NCKAP5L: variants seen among roughly 807,000 people sequenced by gnomAD.
NCKAP5L encodes NCK associated protein 5 like.
In NCKAP5L, 54 loss-of-function variants were observed where a neutral mutation model predicts 103.2. The ratio of observed to expected loss-of-function variants is 0.52; its 90% confidence interval spans 0.42 to 0.66. The LOEUF (loss-of-function observed/expected upper bound fraction) is 0.66. Among genes scored for constraint, NCKAP5L ranks in the 30% least tolerant of loss-of-function variants. The pLI is 0.00. For missense variants in NCKAP5L, 1,733 were observed against 1,750.6 expected, an observed-to-expected ratio of 0.99 and a Z score of 0.18; for synonymous variants, 762 against 748.6, an observed-to-expected ratio of 1.02 and a Z score of -0.29.
In NCKAP5L at chr12:49,795,894, G is replaced by T; in HGVS notation, c.1966C>A (p.Pro656Thr). The T allele has an allele frequency of 6.5e-7, 1 of 1,542,304 alleles. No homozygotes were observed. The stretch of plus-strand genomic sequence containing the variant: ...CTGTCCCGCAGAGGTGTGCTGCCAG[G>T]ATCCCCAGGTCGCCGTCCTGACCCC... ...SQGSGRRPGD[P>T]GSTPLRDRLA... Residue 656 changes from proline to threonine, a missense_variant, in exon 8 of 13, where the codon CCT (proline) becomes ACT (threonine). By Grantham distance (38) the Pro-to-Thr change is conservative. Coordinates refer to ENST00000335999, the MANE Select transcript of NCKAP5L (RefSeq NM_001037806.4).
At chr12:49,810,095 A>T (rs1357674766) in intron 1 of NCKAP5L, among the ~76,000 whole-genome samples, 2 of 144,550 alleles carry the variant, frequency 1.4e-5, no homozygotes, top group African/African-American at 5.2e-5. Flanking sequence ...CCAGATTTCA[A>T]CATCCCTCAT....
chr12:49,816,526 G>A (rs1289010572), intron 1 of NCKAP5L, among the ~76,000 whole-genome samples: 1 of 134,948 alleles, frequency 7.4e-6, no homozygotes, highest in Non-Finnish European at 1.5e-5. Context: ...AAGGCTGGAC[G>A]CGGTGGCTCA....
intron 1 of NCKAP5L, among the ~76,000 whole-genome samples, chr12:49,821,536 C>A (rs554640656): frequency 6.6e-6 from 1 of 152,352 alleles, no homozygotes; most frequent in South Asian, 2.1e-4. Context: ...CATCTGCAGT[C>A]CTGGCCTGAC....
At position 49,804,011 on chromosome 12, in the gene NCKAP5L, G is replaced by A; in HGVS notation, c.34C>T (p.Pro12Ser). Residue 12 changes from proline (P) to serine (S), a missense_variant, in exon 3 of 13, where the codon CCT becomes TCT. By Grantham distance (74) the Pro-to-Ser change is moderately conservative. Transcript: ENST00000335999. ...CCCTCTCCTGGCCTTGGGTTTCCAG[G>A]ACCCCCAGCTGGCTGGTCCATGGCC... ...SEAMDQPAGG[P>S]GNPRPGEGDD... 1.2e-6 allele frequency: 2 copies of A among 1,612,116 alleles called. No individual in the cohort carries two copies.
chr12:49,826,435 T>G (rs1424609395), intron 1 of NCKAP5L, among the ~76,000 whole-genome samples: 1 of 152,160 alleles, frequency 6.6e-6, no homozygotes, highest in Non-Finnish European at 1.5e-5. Context: ...CAGGGGTGTG[T>G]GGGACAAGGT....
intron 1 of NCKAP5L, among the ~76,000 whole-genome samples, chr12:49,820,906 C>T (rs956206411): frequency 6.6e-6 from 1 of 152,186 alleles, no homozygotes; most frequent in African/African-American, 2.4e-5. Flanking sequence ...GCTGGCACCC[C>T]TCTGGGCCTC....
In NCKAP5L at chr12:49,795,974, T is replaced by C. The variant is rs1482063807; in HGVS notation, c.1886A>G (p.Glu629Gly). The change falls in exon 8 of 13, where the codon GAG becomes GGG. Residue 629 changes from glutamate (E) to glycine (G), a missense_variant. Glu to Gly is a moderately conservative substitution (Grantham distance 98, BLOSUM62 -2). Transcript: ENST00000335999. ...GGTCCTGCGGCCGGGATGGGGAGAC[T>C]CCGAGCCTGCCTTGTCCAAACTCTT... ...QEKSLDKAGS[E>G]SPHPGRRTPG... 1 of 1,536,160 alleles carries C rather than the reference T, an allele frequency of 6.5e-7. No homozygotes were observed. Among genetic ancestry groups the C allele is most frequent in the Non-Finnish European group, 8.7e-7 (1 of 1,147,962 alleles).
At chr12:49,807,401 C>T (rs1396182841) in intron 1 of NCKAP5L, among the ~76,000 whole-genome samples, 6 of 152,126 alleles carry the variant, frequency 3.9e-5, no homozygotes, top group African/African-American at 9.7e-5. Context: ...TTCAGTGGCA[C>T]GTTCATAGCT....
intron 1 of NCKAP5L, among the ~76,000 whole-genome samples, chr12:49,808,055 AG>A (rs1442786743): frequency 3.9e-5 from 6 of 152,372 alleles, no homozygotes; most frequent in South Asian, 4.1e-4. Context: ...GTTAAGAGCA[AG>A]GCCAGGCTGT....
At chr12:49,794,459 G>A (rs980783475) in intron 8 of NCKAP5L, among the ~76,000 whole-genome samples, 3 of 152,166 alleles carry the variant, frequency 2.0e-5, no homozygotes, top group Non-Finnish European at 4.4e-5. Flanking sequence ...CCCATAGTTA[G>A]GCTCTAGCCT....
intron 1 of NCKAP5L, among the ~76,000 whole-genome samples, chr12:49,806,695 C>A (rs1244902506): frequency 6.6e-6 from 1 of 152,238 alleles, no homozygotes; most frequent in Non-Finnish European, 1.5e-5. Flanking sequence ...TCTGCACACA[C>A]CCAAGCTTCA....
intron 1 of NCKAP5L, among the ~76,000 whole-genome samples, chr12:49,824,604 T>C (rs1474540766): frequency 6.6e-6 from 1 of 152,212 alleles, no homozygotes; most frequent in African/African-American, 2.4e-5. Flanking sequence ...CTTTTCCCAC[T>C]GTGTCCCCGG....
At chr12:49,802,923 C>T (rs1946136013) in intron 5 of NCKAP5L, 35 bp downstream of exon 5, 2 of 1,604,118 alleles carry the variant, frequency 1.2e-6, no homozygotes, top group South Asian at 1.1e-5. Flanking sequence ...TCTGCTGTGC[C>T]CAGGGCTTCT....
chr12:49,809,664 A>C (rs1174719338), intron 1 of NCKAP5L, among the ~76,000 whole-genome samples: 1 of 152,130 alleles, frequency 6.6e-6, no homozygotes, highest in Non-Finnish European at 1.5e-5. Context: ...TTCTGTCCCC[A>C]CAGCAAACAC....
At position 49,795,965 on chromosome 12, in the gene NCKAP5L, TG is replaced by T; in HGVS notation, c.1894del (p.His632IlefsTer40). On this transcript the variant is annotated frameshift_variant, in exon 8 of 13. Transcript: ENST00000335999. LOFTEE classifies it high-confidence loss of function. ...SLDKAGSESP[H>X]PGRRTPGNSS... is the part of the protein sequence containing the mutation. ...GTTGCCTGGGGTCCTGCGGCCGGGA[TG>T]GGGAGACTCCGAGCCTGCCTTGTCC... 1 of 1,535,100 alleles carries T rather than the reference TG, an allele frequency of 6.5e-7. No homozygotes were observed. The highest frequency in any genetic ancestry group is 8.7e-7 in the Non-Finnish European group (1 of 1,147,740).
chr12:49,819,996 T>C (rs1393579341), intron 1 of NCKAP5L, among the ~76,000 whole-genome samples: 1 of 152,120 alleles, frequency 6.6e-6, no homozygotes, highest in African/African-American at 2.4e-5. Flanking sequence ...CTAAGGACAT[T>C]TGAAGGTGAT....
Position 49,796,044 on chromosome 12 carries a change from T to TG in NCKAP5L, c.1815dup (p.Ser606GlnfsTer204), listed in dbSNP as rs1160641782. 2 of 1,567,126 alleles carry TG rather than the reference T, an allele frequency of 1.3e-6. No individual in the cohort carries two copies. The stretch of plus-strand genomic sequence containing the variant: ...GGGTACGATTCTGGGAGGCAAGGAC[T>TG]GGGGGGTACTCCAGGGCTTCTGAGG... On this transcript the variant is annotated frameshift_variant, in exon 8 of 13. Coordinates refer to ENST00000335999, the MANE Select transcript of NCKAP5L (RefSeq NM_001037806.4). LOFTEE classifies it high-confidence loss of function.
At chr12:49,810,350 G>T (rs1368963780) in intron 1 of NCKAP5L, among the ~76,000 whole-genome samples, 2 of 152,232 alleles carry the variant, frequency 1.3e-5, no homozygotes, top group Non-Finnish European at 1.5e-5. Context: ...TAGACCGGAA[G>T]GCAGAAGAGT....
In NCKAP5L at chr12:49,796,785, GCCCAGGACCTGGGTGGTC is replaced by G; in HGVS notation, c.1057_1074del (p.Asp353_Gly358del). ...GGCGCCTGGTCTGGGGAGGATGACT[GCCCAGGACCTGGGTGGTC>G]CCCATTGAGTGGGCCTGCAGCCCCG... On this transcript the variant is annotated inframe_deletion, in exon 8 of 13. Transcript: ENST00000335999. 6.2e-7 allele frequency: 1 copy of G among 1,613,730 alleles called. No individual in the cohort carries two copies. The highest frequency in any genetic ancestry group is 8.5e-7 in the Non-Finnish European group (1 of 1,179,844).
Sources: allele counts gnomAD v4.1 joint callset (sites outside exome capture counted in the v4.1 genomes callset), GRCh38; gene constraint gnomAD v4.1.1; transcripts MANE v1.5; gene names NCBI Gene and HGNC (gene_info 2026-07-23, HGNC 2026-07-21).